Variants in MAMLD1 observed in about 807,000 individuals in gnomAD.
MAMLD1 encodes the protein mastermind like domain containing 1.
Under a neutral mutation model 45.0 loss-of-function variants are expected in MAMLD1, and 14 were observed. The ratio of observed to expected loss-of-function variants is 0.31; its 90% CI spans 0.21 to 0.49. The LOEUF is 0.49. MAMLD1 is among the 20% of genes least tolerant of loss of function. The pLI is 0.99. For missense variants in MAMLD1, 543 were observed against 603.6 expected (o/e 0.90, Z 1.05); for synonymous variants, 254 against 247.8 (o/e 1.02, Z -0.24).
intron 1 of MAMLD1, among the ~76,000 whole-genome samples, chrX:150,405,054 C>T (rs1408573512): frequency 2.7e-5 from 3 of 112,232 alleles, no homozygotes; most frequent in Admixed American, 1.9e-4. Context: ...CAGTAGAATG[C>T]TTGGGTTATA....
At chrX:150,415,033 G>C (rs1557402992) in intron 1 of MAMLD1, among the ~76,000 whole-genome samples, 348 of 111,974 alleles carry the variant, frequency 3.1e-3, no homozygotes, top group African/African-American at 0.011. Context: ...CTTGAACCCA[G>C]GGCTCCCAGT....
Position 150,470,551 on chromosome X carries a change from C to T in MAMLD1, c.978C>T (p.Pro326=). 1 of 1,211,875 alleles carries T rather than the reference C, an allele frequency of 8.3e-7. No individual in the cohort carries two copies. The highest frequency in any genetic ancestry group is 1.1e-6 in the Non-Finnish European group (1 of 895,541). The part of the protein sequence containing the change: ...GSATKQQGPT[P]SWSGLPPPGL... ...CTACAAAGCAGCAAGGGCCCACCCC[C>T]AGTTGGTCTGGTCTGCCTCCTCCAG... The change falls in exon 4 of 8, where the codon CCC becomes CCT. Residue 326 remains proline, a synonymous_variant. Coordinates refer to ENST00000370401, the MANE Select transcript of MAMLD1 (RefSeq NM_005491.5).
At chrX:150,426,983 C>T (rs2034727883) in intron 1 of MAMLD1, among the ~76,000 whole-genome samples, 1 of 112,134 alleles carries the variant, frequency 8.9e-6, no homozygotes, top group Non-Finnish European at 1.9e-5. Flanking sequence ...CAAGGTGTGT[C>T]AGCAGGGCCA....
intron 1 of MAMLD1, among the ~76,000 whole-genome samples, chrX:150,372,509 C>T (rs2032073479): frequency 8.9e-6 from 1 of 112,355 alleles, no homozygotes; most frequent in Non-Finnish European, 1.9e-5. Context: ...GACTGGCATG[C>T]TTTATGCTAG....
Position 150,406,646 on chromosome X carries a change from C to T in MAMLD1, c.-63-38808C>T, listed in dbSNP as rs1557402689. Among the ~76,000 whole-genome samples the T allele has an allele frequency of 4.5e-5, 5 of 111,917 alleles. No individual in the cohort carries two copies. In the East Asian group the frequency reaches 1.1e-3, roughly 25 times the overall value. ...TGGCACACATTGGCTGGGTTTGGGG[C>T]CCTTCATTTTGGCCTCAAATGAAGG... On this transcript the variant is annotated intron_variant, in intron 1 of 7. Transcript: ENST00000370401.
At chrX:150,409,439 A>C (rs1180787108) in intron 1 of MAMLD1, among the ~76,000 whole-genome samples, 2 of 110,738 alleles carry the variant, frequency 1.8e-5, no homozygotes, top group African/African-American at 3.3e-5. Flanking sequence ...CGCCCATCTG[A>C]TCAGTTCTGG....
chrX:150,381,387 T>C (rs1213542351), intron 1 of MAMLD1, among the ~76,000 whole-genome samples: 1 of 112,262 alleles, frequency 8.9e-6, no homozygotes, highest in Non-Finnish European at 1.9e-5. Context: ...TTTGTGTACA[T>C]GTGTGAGTAT....
chrX:150,408,122 A>G (rs2034041455), intron 1 of MAMLD1, among the ~76,000 whole-genome samples: 1 of 111,266 alleles, frequency 9.0e-6, no homozygotes, highest in African/African-American at 3.3e-5. Context: ...CGGCCACAAC[A>G]AGAGTATTTA....
intron 1 of MAMLD1, among the ~76,000 whole-genome samples, chrX:150,415,454 G>A (rs985047909): frequency 5.3e-5 from 6 of 112,443 alleles, no homozygotes; most frequent in African/African-American, 1.6e-4. Context: ...ATGCAATACA[G>A]AATGAAAAGT....
chrX:150,474,403 G>A (rs781823413), intron 5 of MAMLD1, among the ~76,000 whole-genome samples: 17 of 112,537 alleles, frequency 1.5e-4, no homozygotes, highest in African/African-American at 5.5e-4. Context: ...GTTGTCTGAG[G>A]ACTAAGTGTG....
intron 1 of MAMLD1, among the ~76,000 whole-genome samples, chrX:150,406,277 C>G (rs1557402667): frequency 9.1e-6 from 1 of 109,753 alleles, no homozygotes; most frequent in Non-Finnish European, 1.9e-5. Context: ...AAAGCCTCAC[C>G]CCCATCACAT....
chrX:150,403,960 G>GA (rs1557402573), intron 1 of MAMLD1, among the ~76,000 whole-genome samples: 12 of 81,021 alleles, frequency 1.5e-4, no homozygotes, highest in South Asian at 5.5e-4. Context: ...AAGAAAGAAA[G>GA]AAAGAAAGAA....
At chrX:150,486,388 T>C (rs2036988356) in intron 5 of MAMLD1, among the ~76,000 whole-genome samples, 1 of 111,886 alleles carries the variant, frequency 8.9e-6, no homozygotes, top group Non-Finnish European at 1.9e-5. Context: ...CAACGCCTAC[T>C]AGCCTACTGT....
rs2037919737 is a variant in MAMLD1 at position 150,512,157 on chromosome X, G to A, written c.*198G>A. The A allele has an allele frequency of 8.7e-7, 1 of 1,150,219 alleles. No individual in the cohort carries two copies. Among genetic ancestry groups the A allele is most frequent in the African/African-American group, 1.8e-5 (1 of 56,235 alleles). The allele number at this position is 1,150,219 out of a possible 1,213,427, so 94.8% of individuals were successfully genotyped here. A position where few individuals can be genotyped will look rare whatever the true frequency, so the allele number is the denominator to read the frequency against. Reference sequence around the variant, plus strand: ...AGGCACCAGAGCTGCGAGGGCATGGGAGTGATCTCACCAACTCTGGGGAAG... The same window carrying A: ...AGGCACCAGAGCTGCGAGGGCATGGAAGTGATCTCACCAACTCTGGGGAAG... On this transcript the variant is annotated 3_prime_UTR_variant, in exon 8 of 8. Transcript: ENST00000370401.
At chrX:150,507,605 C>G (rs1280704991) in intron 6 of MAMLD1, among the ~76,000 whole-genome samples, 1 of 112,298 alleles carries the variant, frequency 8.9e-6, no homozygotes, top group Admixed American at 9.4e-5. Flanking sequence ...CACCGGCACC[C>G]AGGCTGGGTG....
intron 3 of MAMLD1, among the ~76,000 whole-genome samples, chrX:150,466,082 C>T (rs999528917): frequency 8.9e-6 from 1 of 112,776 alleles, no homozygotes; most frequent in African/African-American, 3.2e-5. Context: ...TGGCACTGGG[C>T]ACAGGGGAAA....
At chrX:150,420,567 G>C (rs1418344118) in intron 1 of MAMLD1, among the ~76,000 whole-genome samples, 8 of 112,182 alleles carry the variant, frequency 7.1e-5, no homozygotes, top group African/African-American at 2.6e-4. Context: ...CATCTTTGTT[G>C]TTTTATCTAC....
At chrX:150,423,378 GTGTGTGTT>G (rs1182220305) in intron 1 of MAMLD1, among the ~76,000 whole-genome samples, 190 of 107,619 alleles carry the variant, frequency 1.8e-3, no homozygotes, top group Non-Finnish European at 2.5e-3. Flanking sequence ...GTGTGTGTGT[GTGTGTGTT>G]TGCACCTTTG....
At chrX:150,507,317 A>T (rs1439244110) in intron 6 of MAMLD1, among the ~76,000 whole-genome samples, 3 of 112,305 alleles carry the variant, frequency 2.7e-5, no homozygotes, top group Non-Finnish European at 5.6e-5. Flanking sequence ...AACGATTCTA[A>T]TTGTCAGTGT....
Sources: gnomAD v4.1 joint callset for allele counts (sites outside exome capture counted in the v4.1 genomes callset) on GRCh38, gnomAD v4.1.1 for gene constraint, MANE v1.5 for transcripts, NCBI Gene and HGNC (gene_info 2026-07-23, HGNC 2026-07-21) for gene names.